The following DECR1 variants were observed in gnomAD, a reference collection of about 807,000 sequenced individuals.
The protein encoded by DECR1 is 2,4-dienoyl-CoA reductase 1.
Under a neutral mutation model 38.8 loss-of-function variants are expected in DECR1, and 44 were observed. The ratio of observed to expected loss-of-function variants is 1.13; its 90% CI spans 0.89 to 1.46. DECR1 has a LOEUF of 1.46. DECR1 is among the 40% of genes most tolerant of loss of function. DECR1 has a pLI of 0.00. For missense variants in DECR1, 428 were observed against 405.5 expected (o/e 1.06, Z -0.48); for synonymous variants, 148 against 135.2 (o/e 1.09, Z -0.66).
chr8:90,036,394 A>C (rs1335032706), intron 5 of DECR1, among the ~76,000 whole-genome samples: 1 of 152,090 alleles, frequency 6.6e-6, no homozygotes, highest in South Asian at 2.1e-4. Context: ...TCTGTATATA[A>C]TTGTAGCATA....
chr8:90,051,191 AAG>A (rs1012532356), intron 8 of DECR1, among the ~76,000 whole-genome samples: 61 of 152,030 alleles, frequency 4.0e-4, no homozygotes, highest in African/African-American at 1.4e-3. Context: ...AAAAAAAGAA[AAG>A]AGGTTTAATT....
chr8:90,040,193 A>G (rs1388019249), intron 6 of DECR1, among the ~76,000 whole-genome samples: 1 of 152,224 alleles, frequency 6.6e-6, no homozygotes, highest in Non-Finnish European at 1.5e-5. Flanking sequence ...CTATTAAGAC[A>G]TGAAGCAATT....
chr8:90,017,517 CAATG>C (rs1254936157), intron 2 of DECR1, among the ~76,000 whole-genome samples, 191 bp downstream of exon 2: 1 of 152,130 alleles, frequency 6.6e-6, no homozygotes, highest in East Asian at 1.9e-4. Flanking sequence ...ATGAAAGAAA[CAATG>C]AAAATTGTGG....
In DECR1 at chr8:90,001,535, C is replaced by A. The variant is rs1812610096; in HGVS notation, c.43C>A (p.Leu15Met). The part of the protein sequence containing the change: ...ARVFFTLGSR[L>M]PCGLAPRRFF... ...GGTTTTCTTTACTCTGGGGTCCCGG[C>A]TGCCCTGTGGCCTCGCTCCTCGGAG... Residue 15 changes from leucine (L) to methionine (M), a missense_variant, in exon 1 of 10, where the codon CTG (leucine) becomes ATG (methionine). Physicochemically the swap from Leu to Met is conservative, Grantham distance 15. Transcript: ENST00000220764. The A allele has an allele frequency of 6.2e-7, 1 of 1,613,790 alleles. No homozygotes were observed. The highest frequency in any genetic ancestry group is 1.3e-5 in the African/African-American group (1 of 74,938).
chr8:90,042,029 TA>T (rs1350496406), intron 6 of DECR1, among the ~76,000 whole-genome samples: 1 of 152,198 alleles, frequency 6.6e-6, no homozygotes, highest in Non-Finnish European at 1.5e-5. Flanking sequence ...ACCTGTAAAG[TA>T]AGCTTTTAAA....
intron 7 of DECR1, among the ~76,000 whole-genome samples, chr8:90,043,482 C>T (rs1323901751): frequency 6.6e-6 from 1 of 152,182 alleles, no homozygotes; most frequent in Non-Finnish European, 1.5e-5. Flanking sequence ...ACTTCACTCA[C>T]ACTTCTCTTG....
At chr8:90,033,741 A>G (rs1813553339) in intron 5 of DECR1, among the ~76,000 whole-genome samples, 1 of 152,192 alleles carries the variant, frequency 6.6e-6, no homozygotes, top group African/African-American at 2.4e-5. Flanking sequence ...AGAATAGTAA[A>G]ATAACTTTCA....
At chr8:90,004,736 CA>C (rs1341091687) in intron 1 of DECR1, among the ~76,000 whole-genome samples, 1 of 152,110 alleles carries the variant, frequency 6.6e-6, no homozygotes, top group Non-Finnish European at 1.5e-5. Flanking sequence ...CAAAGATTTT[CA>C]ACTGTTTTGT....
chr8:90,050,767 A>G (rs1450958231), intron 8 of DECR1, among the ~76,000 whole-genome samples: 2 of 152,190 alleles, frequency 1.3e-5, no homozygotes, highest in African/African-American at 4.8e-5. Flanking sequence ...AAGACTTGGA[A>G]CCAACCCAGA....
chr8:90,036,984 C>A, intron 6 of DECR1, 44 bp downstream of exon 6: 1 of 1,370,180 alleles, frequency 7.3e-7, no homozygotes, highest in Non-Finnish European at 1.0e-6. Context: ...ATAACTAATA[C>A]AGTTGGTGGC....
chr8:90,031,406 T>C (rs2130107717), intron 5 of DECR1, among the ~76,000 whole-genome samples: 1 of 152,286 alleles, frequency 6.6e-6, no homozygotes, highest in African/African-American at 2.4e-5. Context: ...TGACTCATAA[T>C]TAAAATTAGT....
In DECR1 at chr8:90,021,974, G is replaced by A. The variant is rs147335780; in HGVS notation, c.565+918G>A. Among the ~76,000 whole-genome samples the A allele has an allele frequency of 9.2e-3, 1,403 of 152,202 alleles. 12 individuals are homozygous for A. Among genetic ancestry groups the A allele is most frequent in the Non-Finnish European group, 0.014 (951 of 68,008 alleles). ...ATATTCATATATATCTAGAACCAGC[G>A]TACATTTATTCACCTGACAGACACT... On this transcript the variant is annotated intron_variant, in intron 5 of 9. Coordinates refer to ENST00000220764, the MANE Select transcript of DECR1 (RefSeq NM_001359.2).
chr8:90,013,041 A>G (rs1162886189), intron 1 of DECR1, among the ~76,000 whole-genome samples: 1 of 152,168 alleles, frequency 6.6e-6, no homozygotes, highest in Non-Finnish European at 1.5e-5. Flanking sequence ...GGAAAGTATT[A>G]ATACGTTGGC....
intron 1 of DECR1, among the ~76,000 whole-genome samples, chr8:90,009,613 A>G (rs1190854430): frequency 2.0e-5 from 3 of 152,190 alleles, no homozygotes; most frequent in Non-Finnish European, 4.4e-5. Context: ...TATATCCATC[A>G]TAATGTCATG....
chr8:90,031,452 T>A (rs767922045), intron 5 of DECR1, among the ~76,000 whole-genome samples: 1 of 152,162 alleles, frequency 6.6e-6, no homozygotes, highest in African/African-American at 2.4e-5. Context: ...CTTCTTACTA[T>A]AATTAAACTT....
chr8:90,013,410 T>G lies in DECR1; in HGVS notation c.70-3714T>G, dbSNP rs866409686. On this transcript the variant is annotated intron_variant, in intron 1 of 9. Coordinates refer to ENST00000220764, the MANE Select transcript of DECR1 (RefSeq NM_001359.2). ...TTGCCTCTTCTTTCGTTTTTTTTTT[T>G]TTTTTTTTTTTTGTATTGGTTTCTT... Among the ~76,000 whole-genome samples the G allele has an allele frequency of 4.0e-3, 588 of 147,130 alleles. 8 individuals carry two copies. Among genetic ancestry groups the G allele is most frequent in the African/African-American group, 0.013 (519 of 39,766 alleles).
At chr8:90,027,319 G>C (rs1813373989) in intron 5 of DECR1, among the ~76,000 whole-genome samples, 1 of 152,054 alleles carries the variant, frequency 6.6e-6, no homozygotes, top group South Asian at 2.1e-4. Flanking sequence ...GTTGACAGTG[G>C]GTTGTTAAAG....
intron 8 of DECR1, among the ~76,000 whole-genome samples, chr8:90,047,363 A>G (rs1813938680): frequency 6.6e-6 from 1 of 152,206 alleles, no homozygotes. Context: ...GGAAAACAAA[A>G]AAAAAGCAGG....
intron 5 of DECR1, 37 bp from the exon 6 acceptor site, chr8:90,036,804 T>C (rs1231191650): frequency 2.2e-6 from 3 of 1,342,778 alleles, no homozygotes; most frequent in Middle Eastern, 1.8e-4. Flanking sequence ...GTGATACATC[T>C]ATATTGCTAA....
Sources: gnomAD v4.1 joint callset for allele counts (sites outside exome capture counted in the v4.1 genomes callset) on GRCh38, gnomAD v4.1.1 for gene constraint, MANE v1.5 for transcripts, NCBI Gene and HGNC (gene_info 2026-07-23, HGNC 2026-07-21) for gene names.